The following SPNS3 variants were observed in gnomAD, a reference collection of about 807,000 sequenced individuals.
SPNS3 encodes protein spinster homolog 3.
In SPNS3, 51 loss-of-function variants were observed where a neutral mutation model predicts 54.4. That is an observed-to-expected ratio of 0.94 (90% CI 0.75 to 1.18). SPNS3 has a LOEUF of 1.18. SPNS3 is among the 50% of genes most tolerant of loss of function. SPNS3 has a pLI of 0.00. For missense variants in SPNS3, 669 were observed against 677.4 expected (o/e 0.99, Z 0.14); for synonymous variants, 309 against 294.7 (o/e 1.05, Z -0.50).
chr17:4,487,994 G>A lies in SPNS3; in HGVS notation c.*100G>A, dbSNP rs1972370558. On this transcript the variant is annotated 3_prime_UTR_variant, in exon 12 of 12. Transcript: ENST00000355530. ...GGCTGTCCTCGGGGACTCCGGCTGA[G>A]GCACATCTGCCACTTTTGAATTCCC... is the stretch of plus-strand genomic sequence containing the variant. The A allele has an allele frequency of 6.9e-6, 7 of 1,016,828 alleles. No individual in the cohort carries two copies. In the Admixed American group the frequency reaches 1.3e-4, roughly 18 times the overall value. The allele number at this position is 1,016,828 out of a possible 1,614,324, so 63.0% of individuals were successfully genotyped here.
chr17:4,465,131 A>G (rs1971642613), intron 8 of SPNS3, among the ~76,000 whole-genome samples: 1 of 152,218 alleles, frequency 6.6e-6, no homozygotes, highest in Non-Finnish European at 1.5e-5. Context: ...GCTAGGCTGG[A>G]TAAGGGTGAG....
At chr17:4,480,076 C>T (rs556255202) in intron 9 of SPNS3, among the ~76,000 whole-genome samples, 14 of 152,306 alleles carry the variant, frequency 9.2e-5, no homozygotes, top group South Asian at 4.1e-4. Flanking sequence ...GGATGGGGTG[C>T]TCACTCCCTG....
At chr17:4,447,054 C>A in intron 5 of SPNS3, 92 bp downstream of exon 5, 1 of 1,399,084 alleles carries the variant, frequency 7.1e-7, no homozygotes, top group South Asian at 1.2e-5. Context: ...TGGCGTAGCA[C>A]CCGGCGCCAT....
At position 4,483,073 on chromosome 17, in the gene SPNS3, C is replaced by A. The variant is rs3744144; in HGVS notation, c.1180-3155C>A. 0.77 allele frequency among the ~76,000 whole-genome samples: 117,158 copies of A among 152,002 alleles called. 45,603 individuals carry two copies. The highest frequency in any genetic ancestry group is 0.94 in the East Asian group (4,849 of 5,142). On this transcript the variant is annotated intron_variant, in intron 9 of 11. Transcript: ENST00000355530. This position sits in a 1 kb window ranked among gnomAD's most constrained non-coding sequence, Gnocchi z 4.2. ...GCGTTCTCCCCCTGCCCCAGGTCTC[C>A]ATGCTTCCCTGCTCAGCCTCTGCCC... is the stretch of plus-strand genomic sequence containing the variant.
chr17:4,472,947 C>T (rs1470267382), intron 8 of SPNS3, among the ~76,000 whole-genome samples: 2 of 151,274 alleles, frequency 1.3e-5, no homozygotes, highest in Non-Finnish European at 2.9e-5. Context: ...TGCCACCATG[C>T]CTGGCTAATT....
At chr17:4,454,610 CTTTTTTTTTTTTTT>C (rs55918406) in intron 8 of SPNS3, among the ~76,000 whole-genome samples, 1 of 76,392 alleles carries the variant, frequency 1.3e-5, no homozygotes, top group African/African-American at 5.4e-5. Flanking sequence ...CCAAATAAAG[CTTTTTTTTTTTTTT>C]TTTTTTTTTT....
Position 4,448,179 on chromosome 17 carries a change from G to GCCTT in SPNS3, c.647_650dup (p.Leu217PhefsTer34), listed in dbSNP as rs773267556. Reference sequence around the variant, plus strand: ...GGTCATGCCCTGCCTGGAGGCCGTGGCCTTGATCCTGCTTATCCTGCTGGT... The same window carrying GCCTT: ...GGTCATGCCCTGCCTGGAGGCCGTGGCCTTCCTTGATCCTGCTTATCCTGCTGGT... On this transcript the variant is annotated frameshift_variant, in exon 6 of 12. Coordinates refer to ENST00000355530, the MANE Select transcript of SPNS3 (RefSeq NM_182538.5). LOFTEE classifies it high-confidence loss of function. The GCCTT allele has an allele frequency of 2.7e-5, 44 of 1,600,792 alleles. 1 individual carries two copies. In the South Asian group the frequency reaches 5.0e-4, roughly 18 times the overall value.
chr17:4,452,123 T>C (rs1971183694), intron 7 of SPNS3, among the ~76,000 whole-genome samples: 1 of 150,862 alleles, frequency 6.6e-6, no homozygotes, highest in South Asian at 2.1e-4. Context: ...CACCTATCCA[T>C]CTGGGAATTG....
intron 9 of SPNS3, among the ~76,000 whole-genome samples, chr17:4,485,743 G>T (rs555796410): frequency 6.6e-6 from 1 of 152,154 alleles, no homozygotes; most frequent in South Asian, 2.1e-4. Context: ...GGAGTCGTGC[G>T]GGCTTCTCCA....
At chr17:4,472,779 T>A (rs1971891702) in intron 8 of SPNS3, among the ~76,000 whole-genome samples, 1 of 50,612 alleles carries the variant, frequency 2.0e-5, no homozygotes, top group African/African-American at 1.8e-4. Flanking sequence ...GCAGCCTTTT[T>A]TTTTTTTTTT....
intron 8 of SPNS3, among the ~76,000 whole-genome samples, chr17:4,459,821 C>T (rs553020508): frequency 6.6e-6 from 1 of 151,686 alleles, no homozygotes; most frequent in Non-Finnish European, 1.5e-5. Flanking sequence ...AGATAGATAA[C>T]AAACAAGATA....
At chr17:4,471,860 A>AT (rs766599416) in intron 8 of SPNS3, among the ~76,000 whole-genome samples, 254 of 141,318 alleles carry the variant, frequency 1.8e-3, no homozygotes, top group African/African-American at 5.8e-3. Context: ...TTTAGGTTGG[A>AT]TTTTTTGTTT....
chr17:4,458,395 TTTC>T (rs1971373059), intron 8 of SPNS3, among the ~76,000 whole-genome samples: 1 of 147,154 alleles, frequency 6.8e-6, no homozygotes, highest in Non-Finnish European at 1.5e-5. Flanking sequence ...TTCTTCTTTC[TTTC>T]TTTCTTTCCA....
At chr17:4,466,913 A>T (rs937370019) in intron 8 of SPNS3, among the ~76,000 whole-genome samples, 2 of 152,180 alleles carry the variant, frequency 1.3e-5, no homozygotes, top group Non-Finnish European at 2.9e-5. Flanking sequence ...ACAGCAGGGA[A>T]AGGGGACAAA....
At chr17:4,470,573 G>A (rs1971829441) in intron 8 of SPNS3, among the ~76,000 whole-genome samples, 1 of 152,048 alleles carries the variant, frequency 6.6e-6, no homozygotes, top group African/African-American at 2.4e-5. Flanking sequence ...GAAATTTCAT[G>A]CCTATTAGCA....
At chr17:4,487,106 A>G (rs1237706665) in intron 11 of SPNS3, among the ~76,000 whole-genome samples, 3 of 135,654 alleles carry the variant, frequency 2.2e-5, no homozygotes, top group African/African-American at 8.3e-5. Context: ...CGGGAGGCGG[A>G]GGCTATAGTG....
chr17:4,487,048 T>C (rs1050637793), intron 11 of SPNS3, among the ~76,000 whole-genome samples: 1 of 151,614 alleles, frequency 6.6e-6, no homozygotes, highest in African/African-American at 2.4e-5. Flanking sequence ...GGCACACACC[T>C]GTAGTCCCAG....
At chr17:4,444,526 T>C (rs1345428155) in intron 2 of SPNS3, among the ~76,000 whole-genome samples, 2 of 152,004 alleles carry the variant, frequency 1.3e-5, no homozygotes, top group Non-Finnish European at 2.9e-5. Context: ...CCCGGCCCAG[T>C]GTGCTCATTC....
intron 7 of SPNS3, among the ~76,000 whole-genome samples, chr17:4,451,884 G>T (rs533610602): frequency 6.7e-6 from 1 of 150,226 alleles, no homozygotes. Context: ...TTGCTGTATC[G>T]GCCAGGCTGG....
Sources: allele counts gnomAD v4.1 joint callset (sites outside exome capture counted in the v4.1 genomes callset), GRCh38; gene constraint gnomAD v4.1.1; non-coding constraint Gnocchi (gnomAD v3.1); transcripts MANE v1.5; gene names NCBI Gene and HGNC (gene_info 2026-07-23, HGNC 2026-07-21).